Variants in EXD3 observed in about 807,000 individuals in gnomAD.
The protein encoded by EXD3 is exonuclease 3'-5' domain containing 3, also known as exonuclease mut-7 homolog.
EXD3 carries 92 observed loss-of-function variants against 98.0 expected under a neutral mutation model. The ratio of observed to expected loss-of-function variants is 0.94; its 90% CI spans 0.79 to 1.12. EXD3 has a LOEUF of 1.12. EXD3 is among the 50% of genes most tolerant of loss of function. The pLI is 0.00. For missense variants in EXD3, 1,222 were observed against 1,191.6 expected (o/e 1.03, Z -0.38); for synonymous variants, 569 against 526.0 (o/e 1.08, Z -1.12).
At chr9:137,316,200 C>T (rs1400177417) in intron 19 of EXD3, among the ~76,000 whole-genome samples, 3 of 151,790 alleles carry the variant, frequency 2.0e-5, no homozygotes, top group East Asian at 2.0e-4. Flanking sequence ...GGAGGGGCGG[C>T]GGAGGGCGGG....
At chr9:137,351,177 G>A (rs1425568834) in intron 13 of EXD3, 30 bp from the exon 14 acceptor site, 16 of 1,549,474 alleles carry the variant, frequency 1.0e-5, no homozygotes, top group East Asian at 9.7e-5. Context: ...TGGGAGGGGC[G>A]CCTGCAGGCA....
At chr9:137,374,475 G>A (rs1357784024) in intron 3 of EXD3, 1 of 823,820 alleles carries the variant, frequency 1.2e-6, no homozygotes, top group East Asian at 1.2e-4. Flanking sequence ...CGGGGCTCCA[G>A]GAGCAACATC....
At chr9:137,367,786 G>C (rs570009678) in intron 6 of EXD3, 150 bp downstream of exon 6, 2 of 682,224 alleles carry the variant, frequency 2.9e-6, no homozygotes, top group Admixed American at 5.1e-5. Flanking sequence ...GGTGGTTTAG[G>C]GGGCTCTGGA....
intron 17 of EXD3, among the ~76,000 whole-genome samples, chr9:137,333,013 G>C (rs1312395044): frequency 1.3e-5 from 2 of 152,190 alleles, no homozygotes; most frequent in African/African-American, 4.8e-5. Context: ...TGGACGGGGA[G>C]AGGCAGACCC....
At chr9:137,309,847 G>C (rs1831271009) in intron 19 of EXD3, 147 bp from the exon 20 acceptor site, 2 of 633,940 alleles carry the variant, frequency 3.2e-6, no homozygotes, top group Admixed American at 5.0e-5. Flanking sequence ...CCCACGCATA[G>C]TCCTGTGGGG....
chr9:137,414,855 T>C (rs770533279), intron 1 of EXD3, among the ~76,000 whole-genome samples: 2 of 152,084 alleles, frequency 1.3e-5, no homozygotes, highest in Non-Finnish European at 2.9e-5. Flanking sequence ...GGTTTCTTTG[T>C]ATGTTTGTTT....
At chr9:137,348,458 G>C (rs1423046805) in intron 16 of EXD3, among the ~76,000 whole-genome samples, 1 of 142,552 alleles carries the variant, frequency 7.0e-6, no homozygotes, top group Non-Finnish European at 1.5e-5. Context: ...GGCTCCACGT[G>C]TGTGTCTGGG....
At chr9:137,400,452 G>A (rs1837421276) in intron 1 of EXD3, among the ~76,000 whole-genome samples, 1 of 152,152 alleles carries the variant, frequency 6.6e-6, no homozygotes, top group African/African-American at 2.4e-5. Flanking sequence ...ATACAATGGG[G>A]GTACAGGTAT....
rs192541087 is a variant in EXD3, at chr9:137,354,304, G to A, written c.870+35C>T. The A allele has an allele frequency of 2.0e-4, 316 of 1,609,832 alleles. No homozygotes were observed. In the East Asian group the frequency reaches 2.9e-3, roughly 15 times the overall value. ...TGCCCCTAGGACAGCCGCCCAGGCC[G>A]CCCTGCCGGCTTACAGGCAAGGGCA... On this transcript the variant is annotated intron_variant, in intron 10 of 21. Coordinates refer to ENST00000340951, the MANE Select transcript of EXD3 (RefSeq NM_017820.5).
chr9:137,330,672 G>C (rs1833026107), intron 17 of EXD3, among the ~76,000 whole-genome samples: 1 of 150,110 alleles, frequency 6.7e-6, no homozygotes, highest in African/African-American at 2.4e-5. Context: ...GACTTCTCGA[G>C]GGCAACAATG....
At chr9:137,315,376 C>T (rs976121406) in intron 19 of EXD3, among the ~76,000 whole-genome samples, 1 of 152,238 alleles carries the variant, frequency 6.6e-6, no homozygotes, top group Non-Finnish European at 1.5e-5. Context: ...CCAGCCTGCA[C>T]CCCCACCGCC....
At chr9:137,352,978 G>A in intron 10 of EXD3, 192 bp from the exon 11 acceptor site, 2 of 1,403,040 alleles carry the variant, frequency 1.4e-6, no homozygotes, top group Non-Finnish European at 1.8e-6. Context: ...CAAAGCGGCT[G>A]AGATAGAGGT....
chr9:137,422,752 G>C (rs1274604486), intron 1 of EXD3, among the ~76,000 whole-genome samples: 1 of 152,122 alleles, frequency 6.6e-6, no homozygotes, highest in African/African-American at 2.4e-5. Flanking sequence ...GCGCGCGCGC[G>C]TCCCACCGGG....
At chr9:137,311,960 C>A (rs1456193849) in intron 19 of EXD3, among the ~76,000 whole-genome samples, 1 of 152,156 alleles carries the variant, frequency 6.6e-6, no homozygotes, top group Non-Finnish European at 1.5e-5. Context: ...GACCCGCCCC[C>A]CAGCACTCGG....
At chr9:137,416,838 G>T (rs1838254336) in intron 1 of EXD3, among the ~76,000 whole-genome samples, 1 of 152,230 alleles carries the variant, frequency 6.6e-6, no homozygotes, top group Admixed American at 6.5e-5. Context: ...GGCGCCCCGG[G>T]CAGGAGCCGC....
intron 19 of EXD3, among the ~76,000 whole-genome samples, chr9:137,312,709 G>C (rs1831430784): frequency 6.6e-6 from 1 of 152,188 alleles, no homozygotes; most frequent in African/African-American, 2.4e-5. Context: ...TTAGGGTGGG[G>C]TGAGCAGCTA....
At chr9:137,404,074 C>A (rs1327424609) in intron 1 of EXD3, among the ~76,000 whole-genome samples, 3 of 152,180 alleles carry the variant, frequency 2.0e-5, no homozygotes, top group Non-Finnish European at 4.4e-5. Flanking sequence ...TCCCTGGGTC[C>A]TCACGGGTCC....
intron 17 of EXD3, among the ~76,000 whole-genome samples, chr9:137,332,754 G>A (rs528460973): frequency 5.5e-4 from 84 of 152,206 alleles, no homozygotes; most frequent in Middle Eastern, 3.4e-3. Context: ...CTGAGGCAGG[G>A]GAATCCCTTG....
At chr9:137,348,926 C>A (rs557977586) in intron 16 of EXD3, among the ~76,000 whole-genome samples, 184 bp downstream of exon 16, 3 of 151,982 alleles carry the variant, frequency 2.0e-5, no homozygotes, top group Non-Finnish European at 4.4e-5. Context: ...CCCAGGCAAG[C>A]GCAGCCCCCG....
Sources: gnomAD v4.1 joint callset for allele counts (sites outside exome capture counted in the v4.1 genomes callset) on GRCh38, gnomAD v4.1.1 for gene constraint, MANE v1.5 for transcripts, NCBI Gene and HGNC (gene_info 2026-07-23, HGNC 2026-07-21) for gene names.